AGO1: variants seen among roughly 807,000 people sequenced by gnomAD.
The protein encoded by AGO1 is argonaute RISC component 1.
A neutral mutation model predicts 109.2 loss-of-function variants in AGO1; 11 were observed. The observed-to-expected ratio is 0.10, with a 90% confidence interval of 0.06 to 0.17. The LOEUF is 0.17. Among genes scored for constraint, AGO1 ranks in the 10% least tolerant of loss-of-function variants. AGO1 has a pLI of 1.00. For synonymous variants in AGO1, 422 were observed against 418.6 expected (o/e 1.01, Z -0.10); for missense variants, 574 against 1,140.3 (o/e 0.50, Z 7.15).
chr1:35,870,805 C>T (rs902909743), intron 1 of AGO1, among the ~76,000 whole-genome samples: 1 of 152,098 alleles, frequency 6.6e-6, no homozygotes, highest in Non-Finnish European at 1.5e-5. Flanking sequence ...CTTGCTTTTT[C>T]TGTATTGTTT....
intron 12 of AGO1, among the ~76,000 whole-genome samples, chr1:35,910,872 C>T (rs1238058621): frequency 2.6e-5 from 4 of 152,164 alleles, no homozygotes; most frequent in Non-Finnish European, 5.9e-5. Flanking sequence ...TGATACCAGC[C>T]TGGCCAACAT....
rs1249536680 is a variant in AGO1 at position 35,929,152 on chromosome 1, T to C, written c.*9545T>C. On this transcript the variant is annotated 3_prime_UTR_variant, in exon 19 of 19. Coordinates refer to ENST00000373204, the MANE Select transcript of AGO1 (RefSeq NM_012199.5). ...AGCAGACTCAGTTGGGAATGAGTTATCCAAATATAGGGTGTACATGTAGTC... is the reference window on the plus strand; with the variant it reads ...AGCAGACTCAGTTGGGAATGAGTTACCCAAATATAGGGTGTACATGTAGTC... The C allele has an allele frequency of 6.6e-6, 1 of 152,288 alleles. No individual in the cohort carries two copies. The highest frequency in any genetic ancestry group is 1.5e-5 in the Non-Finnish European group (1 of 68,074). The allele number at this position is 152,288 out of a possible 1,614,324, so 9.4% of individuals were successfully genotyped here.
In AGO1 at chr1:35,893,201, G is replaced by C. The variant is rs778531571; in HGVS notation, c.435G>C (p.Leu145=). Reference sequence around the variant, plus strand: ...GCTGGCGAATGCTGCATGAGGCCCTGGTCAGCGGCCAGATCCCTGTTCCCT... The same window carrying C: ...GCTGGCGAATGCTGCATGAGGCCCTCGTCAGCGGCCAGATCCCTGTTCCCT... The part of the protein sequence containing the change: ...IVSWRMLHEA[L]VSGQIPVPLE... The change falls in exon 4 of 19, where the codon CTG becomes CTC. Residue 145 remains leucine, a synonymous_variant. Transcript: ENST00000373204. The surrounding 1 kb of genome is among the most constrained non-coding windows in gnomAD (Gnocchi z 5.6). The C allele has an allele frequency of 6.2e-7, 1 of 1,614,134 alleles. No individual in the cohort carries two copies. The highest frequency in any genetic ancestry group is 8.5e-7 in the Non-Finnish European group (1 of 1,180,026).
At chr1:35,895,090 T>C in intron 7 of AGO1, 32 bp from the exon 8 acceptor site, 1 of 1,588,284 alleles carries the variant, frequency 6.3e-7, no homozygotes. Flanking sequence ...TGCTGGGTTA[T>C]GACACCCCCT....
In AGO1 at chr1:35,924,550, T is replaced by G. The variant is rs1296624955; in HGVS notation, c.*4943T>G. 6.6e-6 allele frequency: 1 copy of G among 152,114 alleles called. No individual in the cohort carries two copies. Among genetic ancestry groups the G allele is most frequent in the Non-Finnish European group, 1.5e-5 (1 of 68,028 alleles). 9.4% of individuals were successfully genotyped at this position (152,114 alleles called of 1,614,324 possible). ...AGGGAATTAAGTTTGGTGGGGGATA[T>G]GATTAGCCAAATAGTCCCCTGGCAT... On this transcript the variant is annotated 3_prime_UTR_variant, in exon 19 of 19. Transcript: ENST00000373204.
intron 1 of AGO1, among the ~76,000 whole-genome samples, chr1:35,884,852 G>T (rs1298530052): frequency 1.3e-5 from 2 of 152,190 alleles, no homozygotes; most frequent in African/African-American, 4.8e-5. Flanking sequence ...GGGACGAGGA[G>T]CCTGGACCTG....
intron 12 of AGO1, among the ~76,000 whole-genome samples, chr1:35,911,078 A>AAT (rs1645624607): frequency 6.6e-6 from 1 of 152,192 alleles, no homozygotes; most frequent in Non-Finnish European, 1.5e-5. Context: ...AAGAAAAAAA[A>AAT]AATAATAATA....
rs1442783041 is a variant in AGO1, at chr1:35,924,479, A to T, written c.*4872A>T. 6.6e-6 allele frequency: 1 copy of T among 152,116 alleles called. No individual in the cohort carries two copies. Among genetic ancestry groups the T allele is most frequent in the African/African-American group, 2.4e-5 (1 of 41,410 alleles). The allele number at this position is 152,116 out of a possible 1,614,324, so 9.4% of individuals were successfully genotyped here. On this transcript the variant is annotated 3_prime_UTR_variant, in exon 19 of 19. Transcript: ENST00000373204. The stretch of plus-strand genomic sequence containing the variant: ...GCACTGTGCCAGCAGTATTGTGGGG[A>T]GGGGAGGCACAATTCAAAATGAGGA...
rs1645418576 is a variant in AGO1, at chr1:35,901,665, A to G, written c.1140+72A>G. ...ATAAATGTTTTAATGCCCCAGCAGG[A>G]CCTTCCTTCAGGAGAACCCAAGTCT... is the stretch of plus-strand genomic sequence containing the variant. On this transcript the variant is annotated intron_variant, in intron 9 of 18. Coordinates refer to ENST00000373204, the MANE Select transcript of AGO1 (RefSeq NM_012199.5). This position sits in a 1 kb window ranked among gnomAD's most constrained non-coding sequence, Gnocchi z 4.8. The G allele has an allele frequency of 6.2e-7, 1 of 1,605,514 alleles. No individual in the cohort carries two copies. The highest frequency in any genetic ancestry group is 8.5e-7 in the Non-Finnish European group (1 of 1,175,156).
intron 8 of AGO1, 28 bp downstream of exon 8, chr1:35,895,297 A>G (rs1036629061): frequency 1.2e-6 from 2 of 1,605,126 alleles, no homozygotes; most frequent in South Asian, 2.2e-5. Flanking sequence ...TGGCTGGGGA[A>G]TAGGCATTGT....
chr1:35,895,077 G>C (rs1321164074), intron 7 of AGO1, 45 bp from the exon 8 acceptor site: 1 of 1,567,228 alleles, frequency 6.4e-7, no homozygotes, highest in East Asian at 2.4e-5. Context: ...AAGTGGGACT[G>C]AATGCTGGGT....
chr1:35,903,504 C>CTT (rs1472842979), intron 11 of AGO1, among the ~76,000 whole-genome samples: 1 of 151,986 alleles, frequency 6.6e-6, no homozygotes, highest in Non-Finnish European at 1.5e-5. Context: ...TTTGGCTAGA[C>CTT]AAGGGTAGTG....
intron 1 of AGO1, among the ~76,000 whole-genome samples, chr1:35,872,007 T>C (rs1644955163): frequency 6.7e-6 from 1 of 148,380 alleles, no homozygotes; most frequent in Non-Finnish European, 1.5e-5. Flanking sequence ...GAGGCAGAGC[T>C]TGCAGTGAGC....
chr1:35,910,058 A>C (rs1440567862), intron 12 of AGO1, among the ~76,000 whole-genome samples: 1 of 150,010 alleles, frequency 6.7e-6, no homozygotes, highest in African/African-American at 2.5e-5. Context: ...AGTTTCTTTC[A>C]TTTACATGCG....
chr1:35,915,752 C>G (rs1645722983), intron 15 of AGO1, among the ~76,000 whole-genome samples: 1 of 152,170 alleles, frequency 6.6e-6, no homozygotes, highest in Non-Finnish European at 1.5e-5. Flanking sequence ...ACCCTCACTG[C>G]CTATTTAAGT....
Position 35,883,869 on chromosome 1 carries a change from T to G in AGO1, c.25+423T>G, listed in dbSNP as rs1428539939. ...CTGGGCTGGAATAGGCTAATGTCTCTTGGGAGAAGGCGCCAGAGCTGGACT... is the reference window on the plus strand; with the variant it reads ...CTGGGCTGGAATAGGCTAATGTCTCGTGGGAGAAGGCGCCAGAGCTGGACT... On this transcript the variant is annotated intron_variant, in intron 1 of 18. Coordinates refer to ENST00000373204, the MANE Select transcript of AGO1 (RefSeq NM_012199.5). This position sits in a 1 kb window ranked among gnomAD's most constrained non-coding sequence, Gnocchi z 5.4. 6.6e-6 allele frequency among the ~76,000 whole-genome samples: 1 copy of G among 152,144 alleles called. No individual in the cohort carries two copies. The highest frequency in any genetic ancestry group is 6.5e-5 in the Admixed American group (1 of 15,282).
At chr1:35,917,032 A>G (rs1254494130) in intron 15 of AGO1, among the ~76,000 whole-genome samples, 1 of 152,202 alleles carries the variant, frequency 6.6e-6, no homozygotes, top group Non-Finnish European at 1.5e-5. Flanking sequence ...GACCCTCTGT[A>G]TCTGACATCC....
At chr1:35,906,669 G>T (rs1645525101) in intron 11 of AGO1, among the ~76,000 whole-genome samples, 1 of 151,952 alleles carries the variant, frequency 6.6e-6, no homozygotes, top group African/African-American at 2.4e-5. Flanking sequence ...AATTAGCCAG[G>T]CATGGTGGCA....
intron 12 of AGO1, among the ~76,000 whole-genome samples, chr1:35,909,262 T>C (rs1645589105): frequency 6.6e-6 from 1 of 152,258 alleles, no homozygotes; most frequent in East Asian, 1.9e-4. Flanking sequence ...TCTTGCACTG[T>C]TCACTTGCCA....
Sources: allele counts gnomAD v4.1 joint callset (sites outside exome capture counted in the v4.1 genomes callset), GRCh38; gene constraint gnomAD v4.1.1; non-coding constraint Gnocchi (gnomAD v3.1); transcripts MANE v1.5; gene names NCBI Gene and HGNC (gene_info 2026-07-23, HGNC 2026-07-21).